The following FGGY variants were observed in gnomAD, a reference collection of about 807,000 sequenced individuals.
The protein encoded by FGGY is FGGY carbohydrate kinase domain containing.
Under a neutral mutation model 71.3 loss-of-function variants are expected in FGGY, and 72 were observed. The ratio of observed to expected loss-of-function variants is 1.01; its 90% CI spans 0.84 to 1.23. The LOEUF is 1.23. Among genes scored for constraint, FGGY ranks in the 50% most tolerant of loss-of-function variants. The probability of loss-of-function intolerance (pLI) is 0.00; values close to 1 mark genes in which losing one functional copy is unlikely to be tolerated. For missense variants in FGGY, 668 were observed against 682.3 expected (o/e 0.98, Z 0.23); for synonymous variants, 251 against 250.3 (o/e 1.00, Z -0.02).
intron 14 of FGGY, among the ~76,000 whole-genome samples, chr1:59,717,070 C>T (rs945830221): frequency 6.6e-6 from 1 of 152,154 alleles, no homozygotes; most frequent in African/African-American, 2.4e-5. Context: ...CCTTAACCCT[C>T]CTTGTCCATT....
At chr1:59,472,299 G>A (rs544527145) in intron 6 of FGGY, among the ~76,000 whole-genome samples, 9 of 152,230 alleles carry the variant, frequency 5.9e-5, no homozygotes, top group Admixed American at 4.6e-4. Context: ...TCAATTTCTC[G>A]AGGGGCCTTA....
At chr1:59,429,012 C>G (rs1278214506) in intron 5 of FGGY, among the ~76,000 whole-genome samples, 1 of 152,210 alleles carries the variant, frequency 6.6e-6, no homozygotes, top group Admixed American at 6.5e-5. Context: ...GGGGCTTTCT[C>G]TGGTCTAGGT....
chr1:59,336,454 A>T (rs2049522125), intron 2 of FGGY, among the ~76,000 whole-genome samples: 1 of 147,588 alleles, frequency 6.8e-6, no homozygotes, highest in South Asian at 2.2e-4. Context: ...AAATAAGTAG[A>T]TAAATAAATA....
At chr1:59,321,497 A>T (rs1347601413) in intron 1 of FGGY, 39 bp from the exon 2 acceptor site, 3 of 1,571,664 alleles carry the variant, frequency 1.9e-6, no homozygotes, top group Non-Finnish European at 1.7e-6. Flanking sequence ...TTGCAGATCC[A>T]CTTGGTCTTC....
At chr1:59,658,415 A>T (rs1041391723) in intron 11 of FGGY, among the ~76,000 whole-genome samples, 5 of 152,212 alleles carry the variant, frequency 3.3e-5, no homozygotes, top group African/African-American at 1.2e-4. Context: ...TTGTGTATTA[A>T]AAAATCAAAG....
intron 5 of FGGY, among the ~76,000 whole-genome samples, chr1:59,431,036 G>A (rs936377987): frequency 1.3e-5 from 2 of 151,998 alleles, no homozygotes; most frequent in African/African-American, 4.8e-5. Context: ...TAGCTAAGTG[G>A]GGGACAATCT....
At chr1:59,384,197 T>C (rs929783834) in intron 5 of FGGY, among the ~76,000 whole-genome samples, 2 of 152,106 alleles carry the variant, frequency 1.3e-5, no homozygotes, top group Non-Finnish European at 2.9e-5. Flanking sequence ...CATTCTATTT[T>C]CATTAGTATA....
chr1:59,601,191 C>G (rs2096574320), intron 8 of FGGY, among the ~76,000 whole-genome samples: 1 of 152,180 alleles, frequency 6.6e-6, no homozygotes, highest in Non-Finnish European at 1.5e-5. Flanking sequence ...CCTGTTCCCT[C>G]CCAGGACGAC....
chr1:59,748,055 A>T (rs2098214967), intron 14 of FGGY, among the ~76,000 whole-genome samples: 1 of 152,180 alleles, frequency 6.6e-6, no homozygotes, highest in Admixed American at 6.5e-5. Context: ...GTTAGTGAGG[A>T]TCAAGGGAGG....
intron 8 of FGGY, among the ~76,000 whole-genome samples, chr1:59,561,297 G>A (rs748928271): frequency 6.6e-6 from 1 of 152,138 alleles, no homozygotes. Flanking sequence ...AGGACCTGTT[G>A]TCGTCAGCCC....
intron 6 of FGGY, among the ~76,000 whole-genome samples, chr1:59,465,228 A>G (rs2092542972): frequency 6.6e-6 from 1 of 152,236 alleles, no homozygotes; most frequent in African/African-American, 2.4e-5. Flanking sequence ...AATTAACATA[A>G]TCCATCACAT....
intron 8 of FGGY, among the ~76,000 whole-genome samples, chr1:59,566,803 C>T (rs1366114695): frequency 1.5e-5 from 2 of 134,578 alleles, no homozygotes; most frequent in Non-Finnish European, 1.5e-5. Flanking sequence ...AATTTACATA[C>T]CATGAAATTT....
intron 8 of FGGY, among the ~76,000 whole-genome samples, chr1:59,569,184 T>C (rs1192517768): frequency 6.6e-6 from 1 of 152,160 alleles, no homozygotes; most frequent in Non-Finnish European, 1.5e-5. Flanking sequence ...ACAACAAATA[T>C]GTAAGGCTAA....
chr1:59,621,787 C>A (rs1029032667), intron 9 of FGGY, among the ~76,000 whole-genome samples: 1 of 151,708 alleles, frequency 6.6e-6, no homozygotes, highest in African/African-American at 2.4e-5. Context: ...TACGGTATGG[C>A]GTGGTCTTCT....
intron 14 of FGGY, among the ~76,000 whole-genome samples, chr1:59,754,570 C>G (rs1011001107): frequency 1.3e-5 from 2 of 152,162 alleles, no homozygotes; most frequent in African/African-American, 4.8e-5. Flanking sequence ...AGGCACATGC[C>G]ACCATACTTG....
chr1:59,628,226 G>A (rs2096877334), intron 10 of FGGY, among the ~76,000 whole-genome samples: 1 of 152,152 alleles, frequency 6.6e-6, no homozygotes, highest in Non-Finnish European at 1.5e-5. Flanking sequence ...GCAATAACAT[G>A]TAGTGATATC....
chr1:59,418,386 A>G (rs1241828930), intron 5 of FGGY, among the ~76,000 whole-genome samples: 2 of 152,226 alleles, frequency 1.3e-5, no homozygotes, highest in African/African-American at 4.8e-5. Context: ...GCACCCGAGA[A>G]AATAAACACA....
chr1:59,565,227 A>G (rs560984395), intron 8 of FGGY, among the ~76,000 whole-genome samples: 1 of 152,146 alleles, frequency 6.6e-6, no homozygotes, highest in Non-Finnish European at 1.5e-5. Flanking sequence ...ATTTATGGGG[A>G]CTGAAACTGA....
chr1:59,557,816 G>A (rs1351874314), intron 8 of FGGY, among the ~76,000 whole-genome samples: 1 of 152,154 alleles, frequency 6.6e-6, no homozygotes, highest in African/African-American at 2.4e-5. Flanking sequence ...TTGGCAACTT[G>A]TCTTCCAGTT....
Sources: allele counts gnomAD v4.1 joint callset (sites outside exome capture counted in the v4.1 genomes callset), GRCh38; gene constraint gnomAD v4.1.1; transcripts MANE v1.5; gene names NCBI Gene and HGNC (gene_info 2026-07-23, HGNC 2026-07-21).